Variants in LRRC4B observed in about 807,000 individuals in gnomAD.
LRRC4B encodes the protein leucine-rich repeat-containing protein 4B.
LRRC4B carries 1 observed loss-of-function variant against 7.3 expected under a neutral mutation model. That is an observed-to-expected ratio of 0.14 (90% CI 0.05 to 0.65). The LOEUF is 0.65. LRRC4B is among the 30% of genes least tolerant of loss of function. The pLI is 0.84. For missense variants in LRRC4B, 730 were observed against 1,041.6 expected, an observed-to-expected ratio of 0.70 and a Z score of 4.12; for synonymous variants, 500 against 499.2, an observed-to-expected ratio of 1.00 and a Z score of -0.02.
rs939148173 is a variant in LRRC4B, at chr19:50,530,931, G to A, written c.298-11516C>T. ...TTTTGTATTTTTAGTAGAAACCTGG[G>A]GGGGGGGGGTCTCTCTATGTTGGTC... On this transcript the variant is annotated intron_variant, in intron 2 of 2. Transcript: ENST00000652263. 1.6e-4 allele frequency among the ~76,000 whole-genome samples: 21 copies of A among 132,462 alleles called. No individual in the cohort carries two copies. In the South Asian group the frequency reaches 2.2e-3, roughly 14 times the overall value. 86.9% of individuals were successfully genotyped at this position (132,462 alleles called of 152,430 possible).
chr19:50,535,587 A>G (rs1981246916), intron 2 of LRRC4B, among the ~76,000 whole-genome samples: 1 of 152,216 alleles, frequency 6.6e-6, no homozygotes, highest in Non-Finnish European at 1.5e-5. Context: ...TATTTGTCAC[A>G]TCAACTGTCT....
At position 50,518,043 on chromosome 19, in the gene LRRC4B, A is replaced by G. The variant is rs1980370527; in HGVS notation, c.1670T>C (p.Ile557Thr). 6.4e-7 allele frequency: 1 copy of G among 1,573,614 alleles called. No individual in the cohort carries two copies. Residue 557 changes from isoleucine (I) to threonine (T), a missense_variant, in exon 3 of 3, where the codon ATC (isoleucine) becomes ACC (threonine). This residue lies in a region of LRRC4B where 192 missense variants were observed against 228.6 expected (regional missense o/e 0.84). Transcript: ENST00000652263. Reference sequence around the variant, plus strand: ...GAGGGCGTTCTCCGTCACATCCGTGATGGGCACCGTGAACGCCTTCTCCGT... The same window carrying G: ...GAGGGCGTTCTCCGTCACATCCGTGGTGGGCACCGTGAACGCCTTCTCCGT... ...RPTEKAFTVP[I>T]TDVTENALKD...
intron 1 of LRRC4B, among the ~76,000 whole-genome samples, chr19:50,558,804 C>T (rs1030847510): frequency 5.3e-5 from 8 of 152,356 alleles, no homozygotes; most frequent in East Asian, 1.9e-4. Flanking sequence ...CCTGAAGTGC[C>T]GCTCCGTCTG....
chr19:50,551,377 C>CT (rs1390155240), intron 1 of LRRC4B, among the ~76,000 whole-genome samples: 2 of 151,694 alleles, frequency 1.3e-5, no homozygotes, highest in South Asian at 2.1e-4. Flanking sequence ...CTTCCCACCC[C>CT]TGGGGGGGGC....
chr19:50,549,918 G>A (rs1981981850), intron 1 of LRRC4B, among the ~76,000 whole-genome samples: 1 of 152,174 alleles, frequency 6.6e-6, no homozygotes, highest in Non-Finnish European at 1.5e-5. Flanking sequence ...TGGGAGGAAA[G>A]CAGACAGCGG....
rs919431205 is a variant in LRRC4B, at chr19:50,538,309, C to T, written c.297+10233G>A. Among the ~76,000 whole-genome samples, 20 of 152,112 alleles carry T rather than the reference C, an allele frequency of 1.3e-4. No homozygotes were observed. The South Asian group carries it at 2.9e-3, about 22-fold the overall frequency. On this transcript the variant is annotated intron_variant, in intron 2 of 2. Transcript: ENST00000652263. The stretch of plus-strand genomic sequence containing the variant: ...AATTCCTGACCTCAGGTGATCCAAC[C>T]GCCTCGGCCTCCCGAAGTGGTGGGA...
rs955997270 is a variant in LRRC4B, at chr19:50,555,152, C to A, written c.-35-6279G>T. On this transcript the variant is annotated intron_variant, in intron 1 of 2. Transcript: ENST00000652263. The surrounding 1 kb of genome is among the most constrained non-coding windows in gnomAD (Gnocchi z 5.2). ...ATACTGATTACATGTGGGTGCCATG[C>A]TATCCACTCCTCAAGCTGCTGGCTT... is the stretch of plus-strand genomic sequence containing the variant. Among the ~76,000 whole-genome samples, 1 of 152,354 alleles carries A rather than the reference C, an allele frequency of 6.6e-6. No individual in the cohort carries two copies.
chr19:50,547,333 G>C (rs1981859339), intron 2 of LRRC4B, among the ~76,000 whole-genome samples: 1 of 152,132 alleles, frequency 6.6e-6, no homozygotes, highest in Non-Finnish European at 1.5e-5. Context: ...TCCCCTGAGA[G>C]GTCCCTTTTC....
intron 1 of LRRC4B, among the ~76,000 whole-genome samples, chr19:50,562,892 C>T (rs911449335): frequency 1.3e-5 from 2 of 152,014 alleles, no homozygotes; most frequent in African/African-American, 4.8e-5. Flanking sequence ...AGACTCACAC[C>T]ACCACACCTG....
chr19:50,548,503 C>T lies in LRRC4B; in HGVS notation c.297+39G>A. 1.9e-6 allele frequency: 3 copies of T among 1,560,202 alleles called. No individual in the cohort carries two copies. The South Asian group carries it at 3.5e-5, about 18-fold the overall frequency. On this transcript the variant is annotated intron_variant, in intron 2 of 2. Coordinates refer to ENST00000652263, the MANE Select transcript of LRRC4B (RefSeq NM_001080457.2). This position sits in a 1 kb window ranked among gnomAD's most constrained non-coding sequence, Gnocchi z 6.8. ...CTACATCTGCATGCCTCCCCAGTGT[C>T]CCCTCCAAGGTCCCCCTCTGCCCGC...
chr19:50,530,739 T>C (rs1297439742), intron 2 of LRRC4B, among the ~76,000 whole-genome samples: 1 of 151,792 alleles, frequency 6.6e-6, no homozygotes, highest in Non-Finnish European at 1.5e-5. Context: ...GGCTCCTTTT[T>C]TGTTTTTTTT....
chr19:50,545,117 A>G (rs1981741992), intron 2 of LRRC4B, among the ~76,000 whole-genome samples: 1 of 150,956 alleles, frequency 6.6e-6, no homozygotes, highest in South Asian at 2.1e-4. Context: ...CATCTCAAAA[A>G]AAAAAAAAGG....
chr19:50,552,691 TCCATCCATCCGC>T (rs1435764911), intron 1 of LRRC4B, among the ~76,000 whole-genome samples: 2 of 148,942 alleles, frequency 1.3e-5, no homozygotes, highest in African/African-American at 2.5e-5. Flanking sequence ...CATCCATCCG[TCCATCCATCCGC>T]CCATCCGTCC....
intron 1 of LRRC4B, among the ~76,000 whole-genome samples, chr19:50,552,654 A>C (rs966416983): frequency 9.9e-6 from 1 of 100,920 alleles, no homozygotes; most frequent in East Asian, 4.2e-4. Flanking sequence ...CCGTCCATCC[A>C]TCCATCCATC....
chr19:50,518,108 C>T lies in LRRC4B; in HGVS notation c.1605G>A (p.Ser535=), dbSNP rs2122755643. The T allele has an allele frequency of 1.3e-6, 2 of 1,594,678 alleles. No individual in the cohort carries two copies. Among genetic ancestry groups the T allele is most frequent in the Non-Finnish European group, 1.7e-6 (2 of 1,174,150 alleles). ...GRPGDAAGPA[S]SSTTAPAPRS... ...GCGGGGCGGGTGCCGTGGTAGAAGA[C>T]GAGGCAGGGCCGGCCGCGTCCCCAG... Residue 535 remains serine (S), a synonymous_variant, in exon 3 of 3, where the codon TCG becomes TCA. Coordinates refer to ENST00000652263, the MANE Select transcript of LRRC4B (RefSeq NM_001080457.2).
At chr19:50,529,106 G>A (rs901435697) in intron 2 of LRRC4B, among the ~76,000 whole-genome samples, 1 of 152,120 alleles carries the variant, frequency 6.6e-6, no homozygotes, top group Non-Finnish European at 1.5e-5. Flanking sequence ...GAGAGTATCT[G>A]GGGAAGAACC....
At chr19:50,524,334 C>T (rs968556217) in intron 2 of LRRC4B, among the ~76,000 whole-genome samples, 2 of 152,200 alleles carry the variant, frequency 1.3e-5, no homozygotes, top group African/African-American at 2.4e-5. Flanking sequence ...CAGCCTTGAC[C>T]GTCTGGGCTC....
chr19:50,562,407 T>G (rs868485087), intron 1 of LRRC4B, among the ~76,000 whole-genome samples: 1 of 152,164 alleles, frequency 6.6e-6, no homozygotes, highest in African/African-American at 2.4e-5. Flanking sequence ...AAAATCCACA[T>G]AAGAGACTGA....
At chr19:50,536,932 A>G (rs1446678022) in intron 2 of LRRC4B, among the ~76,000 whole-genome samples, 1 of 152,022 alleles carries the variant, frequency 6.6e-6, no homozygotes, top group Non-Finnish European at 1.5e-5. Context: ...GCTTGCAGAA[A>G]GGTGTCCCCT....
Sources: allele counts gnomAD v4.1 joint callset (sites outside exome capture counted in the v4.1 genomes callset), GRCh38; gene constraint gnomAD v4.1.1; regional missense constraint gnomAD v4.1.1; non-coding constraint Gnocchi (gnomAD v3.1); transcripts MANE v1.5; gene names NCBI Gene and HGNC (gene_info 2026-07-23, HGNC 2026-07-21).